DMD: variants seen among roughly 807,000 people sequenced by gnomAD.
DMD encodes the protein mutant dystrophin.
Under a neutral mutation model 330.1 loss-of-function variants are expected in DMD, and 63 were observed. The ratio of observed to expected loss-of-function variants is 0.19; its 90% CI spans 0.16 to 0.24. The LOEUF (loss-of-function observed/expected upper bound fraction) is 0.24, where lower values mean the gene tolerates loss of function less well. Among genes scored for constraint, DMD ranks in the 10% least tolerant of loss-of-function variants. DMD has a pLI of 1.00. For synonymous variants in DMD, 1,223 were observed against 959.8 expected (o/e 1.27, Z -5.07); for missense variants, 3,344 against 2,684.1 (o/e 1.25, Z -5.43).
rs149974380 is a variant in DMD, at chrX:32,752,966, T to A, written c.650-53673A>T. ...AATTGCAAGTCTATTAAACCCTTTT[T>A]GCTGTATAAATTACCCAATCTCAGG... On this transcript the variant is annotated intron_variant, in intron 7 of 78. Coordinates refer to ENST00000357033, the MANE Select transcript of DMD (RefSeq NM_004006.3). Among the ~76,000 whole-genome samples, 496 of 111,206 alleles carry A rather than the reference T, an allele frequency of 4.5e-3. 1 individual carries two copies. Among genetic ancestry groups the A allele is most frequent in the African/African-American group, 0.014 (441 of 30,535 alleles).
intron 44 of DMD, among the ~76,000 whole-genome samples, chrX:31,993,875 A>G (rs1310602620): frequency 2.7e-5 from 3 of 111,949 alleles, no homozygotes; most frequent in Non-Finnish European, 3.8e-5. Flanking sequence ...TTGCTCAGGA[A>G]AGTAAATGGA....
intron 11 of DMD, among the ~76,000 whole-genome samples, chrX:32,641,027 T>G (rs1319109544): frequency 9.0e-6 from 1 of 111,450 alleles, no homozygotes; most frequent in Non-Finnish European, 1.9e-5. Context: ...TCCCTATTTT[T>G]GGGCCTTTGC....
At chrX:32,918,757 G>C (rs2088094621) in intron 2 of DMD, among the ~76,000 whole-genome samples, 1 of 112,241 alleles carries the variant, frequency 8.9e-6, no homozygotes. Flanking sequence ...TTCCAGCATA[G>C]GATACACACA....
chrX:31,539,947 C>A (rs1467507676), intron 55 of DMD, among the ~76,000 whole-genome samples: 2 of 111,208 alleles, frequency 1.8e-5, no homozygotes, highest in Non-Finnish European at 3.8e-5. Flanking sequence ...AGAGGAAGTA[C>A]AAGGAACTTC....
chrX:33,278,675 A>G (rs2053274456), intron 1 of DMD, among the ~76,000 whole-genome samples: 2 of 111,070 alleles, frequency 1.8e-5, no homozygotes, highest in African/African-American at 6.6e-5. Context: ...AGAATAATCT[A>G]TTTTCCTTTG....
chrX:32,762,283 C>A (rs2072424544), intron 7 of DMD, among the ~76,000 whole-genome samples: 1 of 111,207 alleles, frequency 9.0e-6, no homozygotes, highest in Non-Finnish European at 1.9e-5. Flanking sequence ...CGATGGTCAC[C>A]TATTAACAAA....
At chrX:32,865,038 T>A (rs2082371400) in intron 2 of DMD, among the ~76,000 whole-genome samples, 1 of 111,415 alleles carries the variant, frequency 9.0e-6, no homozygotes, top group Non-Finnish European at 1.9e-5. Context: ...TGGAAGCAAA[T>A]AGGCCTTTAT....
Position 32,518,120 on chromosome X carries a change from T to C in DMD, c.2180A>G (p.Asp727Gly). The C allele has an allele frequency of 2.5e-6, 3 of 1,210,138 alleles. No homozygotes were observed. Among genetic ancestry groups the C allele is most frequent in the Non-Finnish European group, 3.4e-6 (3 of 894,093 alleles). ...AATCCAGCTGTGAAGTTCAGTTATA[T>C]CAACATCCAACCTAAGACAGCAAAA... ...DSEIRKRLDV[D>G]ITELHSWITR... Residue 727 changes from aspartate to glycine, a missense_variant, in exon 18 of 79, where the codon GAT becomes GGT. By Grantham distance (94) the Asp-to-Gly change is moderately conservative (BLOSUM62 -1). Transcript: ENST00000357033.
At chrX:32,570,648 G>T (rs2052312092) in intron 15 of DMD, among the ~76,000 whole-genome samples, 1 of 111,576 alleles carries the variant, frequency 9.0e-6, no homozygotes, top group Admixed American at 9.5e-5. Context: ...GGATGTCTTA[G>T]TGTTCATTTT....
intron 7 of DMD, chrX:32,756,134 C>G (rs185312752): frequency 8.9e-6 from 1 of 112,245 alleles, no homozygotes; most frequent in African/African-American, 3.2e-5. Context: ...AAGTAACTAT[C>G]ATTAAAATGC....
At chrX:32,578,782 A>C (rs1485313327) in intron 13 of DMD, among the ~76,000 whole-genome samples, 1 of 111,398 alleles carries the variant, frequency 9.0e-6, no homozygotes. Context: ...ATATCCACTA[A>C]GGCGGAAACA....
intron 12 of DMD, among the ~76,000 whole-genome samples, chrX:32,604,080 T>C (rs941933298): frequency 1.8e-5 from 2 of 110,157 alleles, no homozygotes; most frequent in East Asian, 5.7e-4. Context: ...CTGATGAACA[T>C]AGATGCAAAA....
chrX:31,470,128 G>C (rs756400892), intron 59 of DMD, among the ~76,000 whole-genome samples: 2 of 110,688 alleles, frequency 1.8e-5, no homozygotes, highest in Non-Finnish European at 3.8e-5. Flanking sequence ...CGCTCCTTTA[G>C]CTCGTAAGAG....
chrX:32,027,111 A>G (rs938451895), intron 44 of DMD, among the ~76,000 whole-genome samples: 1 of 107,933 alleles, frequency 9.3e-6, no homozygotes, highest in Admixed American at 1.0e-4. Flanking sequence ...GCCACAACAT[A>G]TGCTTGAAAG....
At chrX:31,883,835 A>G (rs2094112334) in intron 47 of DMD, among the ~76,000 whole-genome samples, 1 of 111,190 alleles carries the variant, frequency 9.0e-6, no homozygotes, top group Non-Finnish European at 1.9e-5. Flanking sequence ...AGCAAAGGAC[A>G]TGAATAGATA....
At chrX:32,012,844 A>G (rs1023024419) in intron 44 of DMD, among the ~76,000 whole-genome samples, 3 of 111,348 alleles carry the variant, frequency 2.7e-5, no homozygotes, top group Non-Finnish European at 3.8e-5. Context: ...AGTAAACTGC[A>G]ACTTACAGTC....
chrX:32,847,064 T>TAG (rs1337242747), intron 3 of DMD, among the ~76,000 whole-genome samples: 2 of 111,599 alleles, frequency 1.8e-5, no homozygotes, highest in Non-Finnish European at 3.8e-5. Flanking sequence ...TGTGTATATA[T>TAG]AGATTGACAG....
chrX:32,583,110 TCTC>T (rs2053840205), intron 13 of DMD, among the ~76,000 whole-genome samples: 1 of 112,295 alleles, frequency 8.9e-6, no homozygotes, highest in Non-Finnish European at 1.9e-5. Context: ...TCCATCTCTC[TCTC>T]CTATGGCAAT....
intron 63 of DMD, among the ~76,000 whole-genome samples, chrX:31,234,942 G>C (rs1261197262): frequency 2.8e-5 from 3 of 106,732 alleles, no homozygotes; most frequent in Non-Finnish European, 5.8e-5. Context: ...GGGGATTCTA[G>C]CTAAAAAAAA....
Sources: allele counts gnomAD v4.1 joint callset (sites outside exome capture counted in the v4.1 genomes callset), GRCh38; gene constraint gnomAD v4.1.1; transcripts MANE v1.5; gene names NCBI Gene and HGNC (gene_info 2026-07-23, HGNC 2026-07-21).